Variants in HHAT observed in about 807,000 individuals in gnomAD.
HHAT encodes the protein protein-cysteine N-palmitoyltransferase HHAT.
A neutral mutation model predicts 70.8 loss-of-function variants in HHAT; 47 were observed. That is an observed-to-expected ratio of 0.66 (90% CI 0.53 to 0.85). HHAT has a LOEUF of 0.85. HHAT is among the 40% of genes least tolerant of loss of function. The probability of loss-of-function intolerance (pLI) is 0.00; values close to 1 mark genes in which losing one functional copy is unlikely to be tolerated. For synonymous variants in HHAT, 228 were observed against 247.6 expected (o/e 0.92, Z 0.74); for missense variants, 609 against 604.8 (o/e 1.01, Z -0.07).
At chr1:210,397,040 T>C (rs1205465894) in intron 4 of HHAT, among the ~76,000 whole-genome samples, 1 of 152,176 alleles carries the variant, frequency 6.6e-6, no homozygotes, top group East Asian at 1.9e-4. Context: ...TTAATAGAAG[T>C]GAAACTAGAG....
chr1:210,574,297 G>C lies in HHAT; in HGVS notation c.1044-13601G>C, dbSNP rs1221402550. ...GGCCAGGAGCCTTCTGTGGCTGGGGGATGGGATGGCATGATTACAAGGCCC... is the reference window on the plus strand; with the variant it reads ...GGCCAGGAGCCTTCTGTGGCTGGGGCATGGGATGGCATGATTACAAGGCCC... On this transcript the variant is annotated intron_variant, in intron 9 of 11. Transcript: ENST00000261458. Among the ~76,000 whole-genome samples, 7 of 152,240 alleles carry C rather than the reference G, an allele frequency of 4.6e-5. 1 individual carries two copies. Among genetic ancestry groups the C allele is most frequent in the Admixed American group, 1.3e-4 (2 of 15,284 alleles).
At chr1:210,496,037 G>GAA (rs1329479289) in intron 8 of HHAT, among the ~76,000 whole-genome samples, 4 of 109,606 alleles carry the variant, frequency 3.6e-5, no homozygotes, top group Non-Finnish European at 7.6e-5. Flanking sequence ...AAAAGAAAAA[G>GAA]AAAATGGAGT....
Position 210,459,674 on chromosome 1 carries a change from C to T in HHAT, c.857-4831C>T, listed in dbSNP as rs550874198. On this transcript the variant is annotated intron_variant, in intron 7 of 11. Coordinates refer to ENST00000261458, the MANE Select transcript of HHAT (RefSeq NM_018194.6). ...TTTGGATGAAGACCACCCCAACTCT[C>T]CTTTTAAAAAGGGCAGCATCTGCCA... 2.6e-5 allele frequency among the ~76,000 whole-genome samples: 4 copies of T among 152,320 alleles called. No homozygotes were observed. In the South Asian group the frequency reaches 8.3e-4, roughly 32 times the overall value.
chr1:210,495,484 C>A, intron 8 of HHAT, among the ~76,000 whole-genome samples: 1 of 151,972 alleles, frequency 6.6e-6, no homozygotes, highest in East Asian at 1.9e-4. Flanking sequence ...AGATTTTAAT[C>A]CTTTCTTTAC....
chr1:210,507,243 G>A (rs1352148653), intron 8 of HHAT, among the ~76,000 whole-genome samples: 1 of 152,050 alleles, frequency 6.6e-6, no homozygotes, highest in Non-Finnish European at 1.5e-5. Flanking sequence ...AGAGTGCTTA[G>A]CCCAGTGTTT....
At chr1:210,475,061 A>C (rs138254403) in intron 8 of HHAT, among the ~76,000 whole-genome samples, 2 of 151,400 alleles carry the variant, frequency 1.3e-5, no homozygotes, top group Non-Finnish European at 2.9e-5. Context: ...AGGTCTCGCT[A>C]TGCTGCCCAC....
intron 10 of HHAT, among the ~76,000 whole-genome samples, chr1:210,614,856 G>A (rs1331987614): frequency 1.3e-5 from 2 of 152,172 alleles, no homozygotes; most frequent in Admixed American, 6.5e-5. Context: ...ATTGTGAGTA[G>A]TGCCGCAATA....
At chr1:210,665,502 G>C (rs929588771) in intron 11 of HHAT, among the ~76,000 whole-genome samples, 2 of 152,204 alleles carry the variant, frequency 1.3e-5, no homozygotes, top group African/African-American at 4.8e-5. Flanking sequence ...GCGCTGTTCA[G>C]CCCTCAGAAC....
At chr1:210,544,407 T>C (rs941515578) in intron 9 of HHAT, among the ~76,000 whole-genome samples, 2 of 148,748 alleles carry the variant, frequency 1.3e-5, no homozygotes, top group African/African-American at 5.0e-5. Context: ...AGTTTTGCTC[T>C]TGTTGCCCAA....
intron 7 of HHAT, among the ~76,000 whole-genome samples, chr1:210,421,636 G>C (rs540264787): frequency 6.6e-6 from 1 of 152,094 alleles, no homozygotes; most frequent in Admixed American, 6.5e-5. Context: ...GTAGAGACGG[G>C]GTTTCACCAT....
chr1:210,428,375 A>C (rs1039252617), intron 7 of HHAT, among the ~76,000 whole-genome samples: 24 of 139,584 alleles, frequency 1.7e-4, no homozygotes, highest in Non-Finnish European at 3.0e-4. Flanking sequence ...CATTTTAGTT[A>C]AATGATCTCT....
chr1:210,672,990 G>A (rs1169846442), intron 11 of HHAT, among the ~76,000 whole-genome samples: 14 of 152,110 alleles, frequency 9.2e-5, no homozygotes, highest in Non-Finnish European at 1.8e-4. Context: ...ACAGTCGTTC[G>A]TTTCTTTTAA....
chr1:210,574,700 C>T (rs1657228523), intron 9 of HHAT, among the ~76,000 whole-genome samples: 2 of 152,208 alleles, frequency 1.3e-5, no homozygotes, highest in African/African-American at 4.8e-5. Context: ...ATGGGCCCTG[C>T]CTCTGAGGCC....
At chr1:210,512,714 A>C in intron 8 of HHAT, among the ~76,000 whole-genome samples, 1 of 151,014 alleles carries the variant, frequency 6.6e-6, no homozygotes, top group East Asian at 1.9e-4. Flanking sequence ...GTGTGTGTGT[A>C]TATACATATA....
intron 10 of HHAT, among the ~76,000 whole-genome samples, chr1:210,602,243 A>G (rs1426829676): frequency 6.6e-6 from 1 of 152,154 alleles, no homozygotes; most frequent in African/African-American, 2.4e-5. Context: ...CTTATGATCC[A>G]GATGGAGAGG....
At position 210,418,149 on chromosome 1, in the gene HHAT, T is replaced by C. The variant is rs2092780196; in HGVS notation, c.685-5T>C. 1.2e-6 allele frequency: 2 copies of C among 1,614,012 alleles called. No homozygotes were observed. Among genetic ancestry groups the C allele is most frequent in the Non-Finnish European group, 1.7e-6 (2 of 1,179,998 alleles). On this transcript the variant is annotated splice_region_variant and splice_polypyrimidine_tract_variant and intron_variant, in intron 6 of 11. Transcript: ENST00000261458. ...ATCGAATGACCTCTTTTGTTTCCAC[T>C]TTAGATGCAGCAGCAGGAGCATGAC...
chr1:210,453,331 A>G (rs867425816), intron 7 of HHAT, among the ~76,000 whole-genome samples: 4 of 152,334 alleles, frequency 2.6e-5, no homozygotes, highest in South Asian at 2.1e-4. Context: ...TGTAAACCTA[A>G]AGCTACTCTG....
intron 11 of HHAT, among the ~76,000 whole-genome samples, chr1:210,650,004 A>C (rs1016970927): frequency 2.6e-5 from 4 of 152,218 alleles, no homozygotes; most frequent in African/African-American, 9.7e-5. Flanking sequence ...GTGAGATGTC[A>C]AAGAACATTC....
intron 9 of HHAT, among the ~76,000 whole-genome samples, chr1:210,553,839 G>A (rs138306924): frequency 1.7e-3 from 258 of 152,178 alleles, no homozygotes; most frequent in South Asian, 1.0e-2. Context: ...TGGTTTGCTG[G>A]GCCGTGGCTC....
Sources: allele counts gnomAD v4.1 joint callset (sites outside exome capture counted in the v4.1 genomes callset), GRCh38; gene constraint gnomAD v4.1.1; transcripts MANE v1.5; gene names NCBI Gene and HGNC (gene_info 2026-07-23, HGNC 2026-07-21).